The following CDK13 variants were observed in gnomAD, a reference collection of about 807,000 sequenced individuals.
The protein encoded by CDK13 is cyclin-dependent kinase 13.
Under a neutral mutation model 137.6 loss-of-function variants are expected in CDK13, and 40 were observed. The ratio of observed to expected loss-of-function variants is 0.29; its 90% CI spans 0.23 to 0.38. CDK13 has a LOEUF of 0.38. Among genes scored for constraint, CDK13 ranks in the 10% least tolerant of loss-of-function variants. CDK13 has a pLI of 1.00. For missense variants in CDK13, 1,704 were observed against 1,951.8 expected, an observed-to-expected ratio of 0.87 and a Z score of 2.39; for synonymous variants, 869 against 760.1, an observed-to-expected ratio of 1.14 and a Z score of -2.36.
rs180792177 is a variant in CDK13 at position 40,095,473 on chromosome 7, T to G, written c.*493T>G. 6.5e-6 allele frequency: 1 copy of G among 152,804 alleles called. No homozygotes were observed. The highest frequency in any genetic ancestry group is 6.5e-5 in the Admixed American group (1 of 15,300). The allele number at this position is 152,804 out of a possible 1,614,324, so 9.5% of individuals were successfully genotyped here. A position where few individuals can be genotyped will look rare whatever the true frequency, so the allele number is the denominator to read the frequency against. On this transcript the variant is annotated 3_prime_UTR_variant, in exon 14 of 14. Transcript: ENST00000181839. Reference sequence around the variant, plus strand: ...TCAGTCTTTGCACCTGCTTTCAGTGTTATTGTGAAAGGTGTACTTTGTGCT... The same window carrying G: ...TCAGTCTTTGCACCTGCTTTCAGTGGTATTGTGAAAGGTGTACTTTGTGCT...
chr7:40,008,513 G>C (rs1259844967), intron 5 of CDK13, among the ~76,000 whole-genome samples: 1 of 152,196 alleles, frequency 6.6e-6, no homozygotes, highest in Non-Finnish European at 1.5e-5. Context: ...TCTGCCTAGA[G>C]ATTTTTCTTT....
rs368067040 is a variant in CDK13, at chr7:39,987,773, A to G, written c.1386A>G (p.Ala462=). ...ACAAGAATAAAAAAGCACGAGCAGC[A>G]GAGGCAGCAAGAGCCGCAGAAGCAG... ...ELNKNKKARA[A]EAARAAEAAK... is the part of the protein sequence containing the mutation. The change falls in exon 2 of 14, where the codon GCA becomes GCG. Residue 462 remains alanine (A), a synonymous_variant. Transcript: ENST00000181839. 3 of 1,614,034 alleles carry G rather than the reference A, an allele frequency of 1.9e-6. No homozygotes were observed. In the African/African-American group the frequency reaches 4.0e-5, roughly 22 times the overall value.
chr7:40,046,334 C>G (rs1785739641), intron 6 of CDK13, among the ~76,000 whole-genome samples: 2 of 152,128 alleles, frequency 1.3e-5, no homozygotes, highest in Admixed American at 1.3e-4. Context: ...ATTTAGTTTA[C>G]TTTATACAAA....
rs2150548409 is a variant in CDK13 at position 40,094,340 on chromosome 7, C to T, written c.3899C>T (p.Ala1300Val). The change falls in exon 14 of 14, where the codon GCA (alanine) becomes GTA (valine). Residue 1300 changes from alanine (A) to valine (V), a missense_variant. Coordinates refer to ENST00000181839, the MANE Select transcript of CDK13 (RefSeq NM_003718.5). ...SLTDPHAGVK[A>V]ALLQLLAQHQ... The stretch of plus-strand genomic sequence containing the variant: ...ACTGACCCTCATGCCGGAGTGAAGG[C>T]AGCCCTGTTACAGCTGCTTGCTCAG... 1 of 1,613,776 alleles carries T rather than the reference C, an allele frequency of 6.2e-7. No homozygotes were observed. The highest frequency in any genetic ancestry group is 8.5e-7 in the Non-Finnish European group (1 of 1,179,854).
intron 9 of CDK13, 127 bp from the exon 10 acceptor site, chr7:40,077,878 A>C (rs1458556159): frequency 7.6e-6 from 4 of 523,874 alleles, no homozygotes; most frequent in Non-Finnish European, 1.4e-5. Flanking sequence ...GAATAAAATA[A>C]CAAAAGTTTT....
At chr7:40,056,597 C>T (rs1367989260) in intron 7 of CDK13, among the ~76,000 whole-genome samples, 2 of 152,200 alleles carry the variant, frequency 1.3e-5, no homozygotes, top group African/African-American at 4.8e-5. Flanking sequence ...TTTCATTTCA[C>T]GCTATCACTT....
At chr7:39,973,499 G>C (rs1281224252) in intron 1 of CDK13, among the ~76,000 whole-genome samples, 1 of 152,106 alleles carries the variant, frequency 6.6e-6, no homozygotes, top group South Asian at 2.1e-4. Flanking sequence ...TTTTTATACT[G>C]TCTATTCTAG....
At chr7:40,053,472 T>TA (rs1785939106) in intron 7 of CDK13, among the ~76,000 whole-genome samples, 1 of 152,242 alleles carries the variant, frequency 6.6e-6, no homozygotes, top group Admixed American at 6.5e-5. Context: ...GCCCCCCTGA[T>TA]AATAGCAATG....
intron 1 of CDK13, among the ~76,000 whole-genome samples, chr7:39,960,998 T>C (rs1418279283): frequency 6.6e-6 from 1 of 152,096 alleles, no homozygotes; most frequent in Non-Finnish European, 1.5e-5. Context: ...ATTTTGGTGG[T>C]GAAAACATTT....
In CDK13 at chr7:39,988,234, T is replaced by C. The variant is rs1784383171; in HGVS notation, c.1847T>C (p.Leu616Pro). 1 of 1,599,224 alleles carries C rather than the reference T, an allele frequency of 6.3e-7. No homozygotes were observed. Among genetic ancestry groups the C allele is most frequent in the East Asian group, 2.2e-5 (1 of 44,822 alleles). Residue 616 changes from leucine to proline, a missense_variant, in exon 2 of 14, where the codon CTG becomes CCG. Leu to Pro is a moderately conservative substitution (Grantham distance 98). Around this residue, in one of 5 missense-constraint regions of CDK13, gnomAD observed 1,051 missense variants for 931.0 expected, o/e 1.13. Transcript: ENST00000181839. ...TLPPLPLPPM[L>P]PEDKEADSLR... ...CCACCGTTACCTTTGCCTCCCATGC[T>C]GCCTGAAGATAAAGAAGCTGATAGG...
chr7:39,991,303 T>C (rs1784450079), intron 2 of CDK13, among the ~76,000 whole-genome samples: 1 of 152,230 alleles, frequency 6.6e-6, no homozygotes, highest in Non-Finnish European at 1.5e-5. Context: ...ATGGGAGGTA[T>C]CTTTATTTAC....
At chr7:40,084,758 C>T (rs1786747297) in intron 11 of CDK13, among the ~76,000 whole-genome samples, 1 of 152,184 alleles carries the variant, frequency 6.6e-6, no homozygotes, top group Non-Finnish European at 1.5e-5. Flanking sequence ...TTGTAAGAGG[C>T]ACTGCTGAAG....
At chr7:40,034,497 A>G (rs1255816684) in intron 5 of CDK13, among the ~76,000 whole-genome samples, 1 of 152,152 alleles carries the variant, frequency 6.6e-6, no homozygotes, top group Non-Finnish European at 1.5e-5. Context: ...ATTATAACAT[A>G]TCTCTAGCTG....
At chr7:40,030,073 T>G (rs947634755) in intron 5 of CDK13, among the ~76,000 whole-genome samples, 4 of 152,180 alleles carry the variant, frequency 2.6e-5, no homozygotes, top group Non-Finnish European at 5.9e-5. Context: ...CTAACCCATG[T>G]TTAGCGGTCT....
In CDK13 at chr7:40,046,412, G is replaced by C. The variant is rs150752426; in HGVS notation, c.2543+387G>C. On this transcript the variant is annotated intron_variant, in intron 6 of 13. Transcript: ENST00000181839. Reference sequence around the variant, plus strand: ...TAATCCCAGCACCTTGAGAAGTAGAGACGGGCGGATCACTTGAGACCAGGA... The same window carrying C: ...TAATCCCAGCACCTTGAGAAGTAGACACGGGCGGATCACTTGAGACCAGGA... Among the ~76,000 whole-genome samples the C allele has an allele frequency of 6.7e-3, 1,022 of 152,282 alleles. 12 individuals carry two copies. The highest frequency in any genetic ancestry group is 0.023 in the African/African-American group (952 of 41,548).
intron 9 of CDK13, among the ~76,000 whole-genome samples, chr7:40,068,408 A>G (rs1786330843): frequency 6.6e-6 from 1 of 151,964 alleles, no homozygotes. Flanking sequence ...TAAGAAGGAA[A>G]TAGTTGGTCA....
At chr7:40,047,733 TAA>T in intron 6 of CDK13, 86 bp from the exon 7 acceptor site, 1 of 796,712 alleles carries the variant, frequency 1.3e-6, no homozygotes, top group Non-Finnish European at 2.1e-6. Flanking sequence ...TTTTTTTTTT[TAA>T]TCAGTTCTAG....
chr7:39,995,892 C>T (rs894880464), intron 2 of CDK13, among the ~76,000 whole-genome samples: 1 of 152,126 alleles, frequency 6.6e-6, no homozygotes, highest in Non-Finnish European at 1.5e-5. Flanking sequence ...CACCTGTAGT[C>T]CCAGCTACTC....
intron 1 of CDK13, among the ~76,000 whole-genome samples, chr7:39,980,965 G>T (rs569549160): frequency 6.6e-6 from 1 of 152,292 alleles, no homozygotes; most frequent in South Asian, 2.1e-4. Context: ...TAGAAACATA[G>T]AAAGTTCTCT....
Sources: gnomAD v4.1 joint callset for allele counts (sites outside exome capture counted in the v4.1 genomes callset) on GRCh38, gnomAD v4.1.1 for gene constraint, gnomAD v4.1.1 regional missense constraint, MANE v1.5 for transcripts, NCBI Gene and HGNC (gene_info 2026-07-23, HGNC 2026-07-21) for gene names.